Variants in VWA3B observed in about 807,000 individuals in gnomAD.
The protein encoded by VWA3B is von Willebrand factor A domain-containing protein 3B.
A neutral mutation model predicts 158.3 loss-of-function variants in VWA3B; 138 were observed. The observed-to-expected ratio is 0.87, with a 90% CI of 0.76 to 1.00. VWA3B has a LOEUF of 1.00. VWA3B is among the 50% of genes least tolerant of loss of function. VWA3B has a pLI of 0.00. For synonymous variants in VWA3B, 596 were observed against 587.3 expected, an observed-to-expected ratio of 1.01 and a Z score of -0.21; for missense variants, 1,555 against 1,565.1, an observed-to-expected ratio of 0.99 and a Z score of 0.11.
chr2:98,190,146 A>AT (rs1034752792), intron 10 of VWA3B, among the ~76,000 whole-genome samples: 8 of 151,886 alleles, frequency 5.3e-5, no homozygotes, highest in African/African-American at 1.9e-4. Context: ...TTGTTTGAGT[A>AT]TTTTTTATTA....
chr2:98,268,448 C>A (rs1687991124), intron 21 of VWA3B, among the ~76,000 whole-genome samples: 1 of 152,134 alleles, frequency 6.6e-6, no homozygotes, highest in South Asian at 2.1e-4. Context: ...TTAATCACAT[C>A]TGCTGTTGAA....
intron 7 of VWA3B, among the ~76,000 whole-genome samples, chr2:98,139,233 C>T (rs1676535194): frequency 6.6e-6 from 1 of 152,250 alleles, no homozygotes; most frequent in East Asian, 1.9e-4. Flanking sequence ...CCTTAGCTGC[C>T]TTCCCGCGGG....
intron 12 of VWA3B, among the ~76,000 whole-genome samples, chr2:98,202,437 A>T (rs1206182558): frequency 5.3e-5 from 8 of 150,370 alleles, no homozygotes; most frequent in African/African-American, 7.4e-5. Context: ...AATTTTGTTA[A>T]TTTTTTCAAG....
intron 5 of VWA3B, among the ~76,000 whole-genome samples, chr2:98,127,844 T>G (rs1477174628): frequency 6.6e-6 from 1 of 152,212 alleles, no homozygotes; most frequent in Non-Finnish European, 1.5e-5. Context: ...GAGTTTGCAT[T>G]GTAGGATTCT....
At chr2:98,218,775 G>A (rs1226380554) in intron 14 of VWA3B, among the ~76,000 whole-genome samples, 1 of 152,206 alleles carries the variant, frequency 6.6e-6, no homozygotes. Flanking sequence ...ATACTGATCA[G>A]TGCTTCATGT....
chr2:98,128,500 C>A, intron 6 of VWA3B, 92 bp downstream of exon 6: 2 of 1,316,662 alleles, frequency 1.5e-6, no homozygotes, highest in Non-Finnish European at 2.1e-6. Flanking sequence ...TGGCTTTAAC[C>A]AATCTGTTGC....
chr2:98,316,074 G>T (rs1237216305), downstream of VWA3B, among the ~76,000 whole-genome samples: 2 of 152,144 alleles, frequency 1.3e-5, no homozygotes, highest in Non-Finnish European at 2.9e-5. Context: ...GCAGGCCGCT[G>T]GTCACCATAT....
chr2:98,187,893 A>G lies in VWA3B; in HGVS notation c.1312-82A>G, dbSNP rs1051343241. 29 of 1,420,694 alleles carry G rather than the reference A, an allele frequency of 2.0e-5. No homozygotes were observed. In the East Asian group the frequency reaches 6.7e-4, roughly 33 times the overall value. 88.0% of individuals were successfully genotyped at this position (1,420,694 alleles called of 1,614,324 possible). A position where few individuals can be genotyped will look rare whatever the true frequency, so the allele number is the denominator to read the frequency against. On this transcript the variant is annotated intron_variant, in intron 9 of 27. Coordinates refer to ENST00000477737, the MANE Select transcript of VWA3B (RefSeq NM_144992.5). The stretch of plus-strand genomic sequence containing the variant: ...GTGGAGTGCTAGGAGCCACTTGAAT[A>G]CGACAGAGCTTAAGGTGCCATCTGG...
intron 16 of VWA3B, among the ~76,000 whole-genome samples, chr2:98,231,847 TAGTCTC>T (rs1015148877): frequency 6.6e-6 from 1 of 152,246 alleles, no homozygotes; most frequent in African/African-American, 2.4e-5. Flanking sequence ...ATTTCCCACT[TAGTCTC>T]AGTGTATAAT....
intron 9 of VWA3B, among the ~76,000 whole-genome samples, chr2:98,187,434 AGGG>A (rs1681171750): frequency 6.6e-6 from 1 of 151,520 alleles, no homozygotes; most frequent in Non-Finnish European, 1.5e-5. Context: ...GTCTCAGTGG[AGGG>A]CGCTAGATGT....
At chr2:98,192,460 G>A in intron 10 of VWA3B, 1 of 189,664 alleles carries the variant, frequency 5.3e-6, no homozygotes, top group South Asian at 9.2e-5. Flanking sequence ...TTTGAGCCAG[G>A]ATGAGCCAGG....
chr2:98,128,160 A>G, intron 5 of VWA3B, 79 bp from the exon 6 acceptor site: 1 of 1,506,410 alleles, frequency 6.6e-7, no homozygotes, highest in Non-Finnish European at 9.0e-7. Flanking sequence ...ATCGTTTTGT[A>G]GAATGGGTAT....
intron 13 of VWA3B, 88 bp from the exon 14 acceptor site, chr2:98,217,758 C>T (rs1185549450): frequency 4.9e-6 from 6 of 1,219,848 alleles, no homozygotes; most frequent in Non-Finnish European, 6.7e-6. Context: ...ATTTGAGTAT[C>T]TGTAGTAAAT....
At chr2:98,327,014 G>T in the VWA3B span, among the ~76,000 whole-genome samples, 1 of 151,650 alleles carries the variant, frequency 6.6e-6, no homozygotes, top group Non-Finnish European at 1.5e-5. Context: ...AAAAAAGTAG[G>T]CCAGGTGCAG....
chr2:98,156,623 A>T (rs1403078909), intron 7 of VWA3B, among the ~76,000 whole-genome samples: 1 of 150,340 alleles, frequency 6.7e-6, no homozygotes, highest in Non-Finnish European at 1.5e-5. Context: ...GAACAGAAAG[A>T]GGTTCAGGCC....
chr2:98,281,270 T>C (rs910442582), intron 22 of VWA3B, among the ~76,000 whole-genome samples: 2 of 152,146 alleles, frequency 1.3e-5, no homozygotes, highest in African/African-American at 4.8e-5. Flanking sequence ...TTAAAGGGAG[T>C]TGAATTATTC....
At chr2:98,181,716 A>G (rs566734189) in intron 9 of VWA3B, among the ~76,000 whole-genome samples, 4 of 152,322 alleles carry the variant, frequency 2.6e-5, no homozygotes, top group South Asian at 2.1e-4. Flanking sequence ...CTGCAGTTCT[A>G]TTGTGGGTTT....
At chr2:98,215,768 G>A (rs893816106) in intron 13 of VWA3B, among the ~76,000 whole-genome samples, 8 of 151,988 alleles carry the variant, frequency 5.3e-5, no homozygotes, top group Non-Finnish European at 2.9e-5. Flanking sequence ...TGCCCACCTC[G>A]GCCTCTCAAA....
chr2:98,161,773 C>T (rs980433758), intron 7 of VWA3B, among the ~76,000 whole-genome samples: 5 of 152,130 alleles, frequency 3.3e-5, no homozygotes, highest in Non-Finnish European at 7.3e-5. Flanking sequence ...GTGGTGTGAT[C>T]TCAGCTCACT....
Sources: gnomAD v4.1 joint callset for allele counts (sites outside exome capture counted in the v4.1 genomes callset) on GRCh38, gnomAD v4.1.1 for gene constraint, MANE v1.5 for transcripts, NCBI Gene and HGNC (gene_info 2026-07-23, HGNC 2026-07-21) for gene names.